The following TRPC4 variants were observed in gnomAD, a reference collection of about 807,000 sequenced individuals.
TRPC4 encodes the protein transient receptor potential cation channel subfamily C member 4.
TRPC4 carries 49 observed loss-of-function variants against 99.4 expected under a neutral mutation model. That is an observed-to-expected ratio of 0.49 (90% CI 0.39 to 0.63). The LOEUF (loss-of-function observed/expected upper bound fraction) is 0.63, where lower values mean the gene tolerates loss of function less well. TRPC4 is among the 20% of genes least tolerant of loss of function. The pLI is 0.00. For synonymous variants in TRPC4, 454 were observed against 425.9 expected (o/e 1.07, Z -0.81); for missense variants, 898 against 1,152.9 (o/e 0.78, Z 3.20).
At chr13:37,748,795 A>T (rs149193421) in intron 2 of TRPC4, among the ~76,000 whole-genome samples, 4 of 152,000 alleles carry the variant, frequency 2.6e-5, no homozygotes, top group African/African-American at 9.7e-5. Flanking sequence ...AAAAAATAAC[A>T]GTGTAAAAGT....
In TRPC4 at chr13:37,685,468, G is replaced by C. The variant is rs185580404; in HGVS notation, c.1234+6531C>G. On this transcript the variant is annotated intron_variant, in intron 4 of 10. Coordinates refer to ENST00000379705, the MANE Select transcript of TRPC4 (RefSeq NM_016179.4). ...ATTTATTATGATTAAGTGGAACAGAGTTACTGTGAAGTTCGAACAAAAGAA... is the reference window on the plus strand; with the variant it reads ...ATTTATTATGATTAAGTGGAACAGACTTACTGTGAAGTTCGAACAAAAGAA... Among the ~76,000 whole-genome samples, 46 of 152,290 alleles carry C rather than the reference G, an allele frequency of 3.0e-4. 1 individual carries two copies. Among genetic ancestry groups the C allele is most frequent in the Admixed American group, 1.8e-3 (28 of 15,296 alleles).
At chr13:37,671,576 T>TA (rs11411634) in intron 5 of TRPC4, among the ~76,000 whole-genome samples, 69,452 of 147,030 alleles carry the variant, frequency 0.47, 16,598 homozygotes, top group East Asian at 0.74. Flanking sequence ...AAGACAAAAG[T>TA]AAAAAAAAAA....
chr13:37,866,635 G>A (rs1276390315), intron 1 of TRPC4, among the ~76,000 whole-genome samples: 1 of 151,642 alleles, frequency 6.6e-6, no homozygotes, highest in East Asian at 1.9e-4. Context: ...TATTTGTGCT[G>A]ATTAAAAAGA....
chr13:37,859,158 G>T (rs1959201658), intron 1 of TRPC4, among the ~76,000 whole-genome samples: 1 of 151,158 alleles, frequency 6.6e-6, no homozygotes, highest in African/African-American at 2.4e-5. Flanking sequence ...TTCATAAATG[G>T]GAAGAGAGCT....
rs772033202 is a variant in TRPC4, at chr13:37,637,285, C to T, written c.2552G>A (p.Arg851Gln). 6.2e-7 allele frequency: 1 copy of T among 1,613,770 alleles called. No homozygotes were observed. Among genetic ancestry groups the T allele is most frequent in the South Asian group, 1.1e-5 (1 of 91,056 alleles). The change falls in exon 11 of 11, where the codon CGA becomes CAA. Residue 851 changes from arginine to glutamine, a missense_variant. Arg to Gln is a conservative substitution (Grantham distance 43). Around this residue, in one of 3 missense-constraint regions of TRPC4, gnomAD observed 346 missense variants for 351.4 expected, o/e 0.98. Coordinates refer to ENST00000379705, the MANE Select transcript of TRPC4 (RefSeq NM_016179.4). ...TTGCTCAGCAGCATTTTGTTTTGAT[C>T]GTCTATGAAATAACCCAAAGTTTTT... Reference protein sequence around the residue: ...DIKNFGLFHRRSKQNAAEQNA... With the variant: ...DIKNFGLFHRQSKQNAAEQNA...
At chr13:37,665,087 A>G (rs1470262755) in intron 5 of TRPC4, among the ~76,000 whole-genome samples, 1 of 152,202 alleles carries the variant, frequency 6.6e-6, no homozygotes, top group Non-Finnish European at 1.5e-5. Flanking sequence ...CTCTTTCATT[A>G]TGACAAGTGT....
intron 1 of TRPC4, among the ~76,000 whole-genome samples, chr13:37,826,174 C>T (rs1259771237): frequency 3.5e-5 from 4 of 112,886 alleles, no homozygotes; most frequent in African/African-American, 7.1e-5. Context: ...TGTCTCTGCA[C>T]ATGAGATGGG....
intron 5 of TRPC4, among the ~76,000 whole-genome samples, chr13:37,666,189 G>T (rs1164701276): frequency 2.0e-5 from 3 of 152,134 alleles, no homozygotes; most frequent in African/African-American, 7.2e-5. Context: ...ACTTTAGAAA[G>T]TTGAAGTCTT....
chr13:37,671,471 C>A (rs780313600), intron 5 of TRPC4, among the ~76,000 whole-genome samples: 1 of 151,730 alleles, frequency 6.6e-6, no homozygotes, highest in African/African-American at 2.4e-5. Flanking sequence ...AGAGCTCAAA[C>A]TCTTTTAAAA....
In TRPC4 at chr13:37,747,512, CA is replaced by C. The variant is rs202107377; in HGVS notation, c.379-1058del. On this transcript the variant is annotated intron_variant, in intron 2 of 10. Coordinates refer to ENST00000379705, the MANE Select transcript of TRPC4 (RefSeq NM_016179.4). ...CATAAGGGCAGTTAAACAGGCATGG[CA>C]AAAAAAAATGATGACTCACGTCACA... Among the ~76,000 whole-genome samples, 7 of 147,322 alleles carry C rather than the reference CA, an allele frequency of 4.8e-5. No individual in the cohort carries two copies. In the East Asian group the frequency reaches 6.2e-4, roughly 13 times the overall value.
chr13:37,692,036 T>C lies in TRPC4; in HGVS notation c.1197A>G (p.Pro399=). The C allele has an allele frequency of 6.2e-7, 1 of 1,613,918 alleles. No homozygotes were observed. Among genetic ancestry groups the C allele is most frequent in the Non-Finnish European group, 8.5e-7 (1 of 1,179,892 alleles). The change falls in exon 4 of 11, where the codon CCA becomes CCG. Residue 399 remains proline, a synonymous_variant. Coordinates refer to ENST00000379705, the MANE Select transcript of TRPC4 (RefSeq NM_016179.4). ...RSDLNRQGPP[P]TIVEWMILPW... is the part of the protein sequence containing the mutation. ...GTAATATCATCCACTCGACGATGGT[T>C]GGTGGTGGACCTTGCCTGTTCAAGT... is the stretch of plus-strand genomic sequence containing the variant.
intron 3 of TRPC4, among the ~76,000 whole-genome samples, chr13:37,721,069 G>C (rs1293405982): frequency 6.6e-6 from 1 of 152,124 alleles, no homozygotes; most frequent in Non-Finnish European, 1.5e-5. Context: ...TATACACAAA[G>C]CTTCCCAAAA....
intron 1 of TRPC4, among the ~76,000 whole-genome samples, chr13:37,837,183 G>A (rs1338881395): frequency 2.6e-5 from 4 of 152,234 alleles, no homozygotes. Context: ...ACAGGGGCAG[G>A]GCCCTCATAG....
chr13:37,815,597 A>T (rs1330609158), intron 1 of TRPC4, among the ~76,000 whole-genome samples: 1 of 151,906 alleles, frequency 6.6e-6, no homozygotes, highest in Non-Finnish European at 1.5e-5. Flanking sequence ...ACCTAACAAG[A>T]GGCACTCAGA....
intron 3 of TRPC4, among the ~76,000 whole-genome samples, chr13:37,695,184 T>TTTCC (rs1245215959): frequency 2.0e-5 from 3 of 152,000 alleles, no homozygotes; most frequent in Non-Finnish European, 4.4e-5. Flanking sequence ...TCTTCCCTTC[T>TTTCC]TTCCTTCCTT....
chr13:37,676,310 G>A (rs1337488450), intron 4 of TRPC4, among the ~76,000 whole-genome samples: 2 of 148,222 alleles, frequency 1.3e-5, no homozygotes, highest in African/African-American at 4.9e-5. Flanking sequence ...TGCATACAAA[G>A]GAAGAAAAGT....
rs573320455 is a variant in TRPC4, at chr13:37,681,827, C to T, written c.1235-7460G>A. Among the ~76,000 whole-genome samples the T allele has an allele frequency of 9.9e-5, 15 of 152,226 alleles. No individual in the cohort carries two copies. The South Asian group carries it at 3.1e-3, about 32-fold the overall frequency. On this transcript the variant is annotated intron_variant, in intron 4 of 10. Coordinates refer to ENST00000379705, the MANE Select transcript of TRPC4 (RefSeq NM_016179.4). Reference sequence around the variant, plus strand: ...TGATTTCTCAGAGTCGTGATGGAGGCCTAATTACAAGCATTGATGTCAAGA... The same window carrying T: ...TGATTTCTCAGAGTCGTGATGGAGGTCTAATTACAAGCATTGATGTCAAGA...
chr13:37,718,042 C>T (rs537016657), intron 3 of TRPC4, among the ~76,000 whole-genome samples: 212 of 151,984 alleles, frequency 1.4e-3, no homozygotes, highest in Non-Finnish European at 2.6e-3. Context: ...GTGGCAAGAA[C>T]TCTGAAAATA....
rs74242385 is a variant in TRPC4, at chr13:37,783,558, T to C, written c.-27-198A>G. Among the ~76,000 whole-genome samples the C allele has an allele frequency of 0.029, 4,351 of 152,144 alleles. 112 individuals carry two copies. Among genetic ancestry groups the C allele is most frequent in the South Asian group, 0.08 (388 of 4,830 alleles). On this transcript the variant is annotated intron_variant, in intron 1 of 10. Transcript: ENST00000379705. ...CAATTATGTGGAAACAAAGTTTTCT[T>C]TTAAAATAAATAAAAAGAGATTAAC...
Sources: allele counts gnomAD v4.1 joint callset (sites outside exome capture counted in the v4.1 genomes callset), GRCh38; gene constraint gnomAD v4.1.1; regional missense constraint gnomAD v4.1.1; transcripts MANE v1.5; gene names NCBI Gene and HGNC (gene_info 2026-07-23, HGNC 2026-07-21).